Variants in GPC2 observed in about 807,000 individuals in gnomAD.
GPC2 encodes the protein glypican 2.
In GPC2, 42 loss-of-function variants were observed where a neutral mutation model predicts 57.3. That is an observed-to-expected ratio of 0.73 (90% CI 0.57 to 0.95). GPC2 has a LOEUF of 0.95. Ranked by LOEUF, GPC2 falls within the 40% of genes least tolerant of loss-of-function variation. The pLI, the probability that GPC2 is intolerant of heterozygous loss-of-function variation, is 0.00. For synonymous variants in GPC2, 364 were observed against 343.4 expected (o/e 1.06, Z -0.66); for missense variants, 745 against 793.6 (o/e 0.94, Z 0.74).
Position 100,171,693 on chromosome 7 carries a change from G to A in GPC2, c.1171-15C>T, listed in dbSNP as rs1182342755. 2.7e-6 allele frequency: 4 copies of A among 1,482,256 alleles called. No individual in the cohort carries two copies. Among genetic ancestry groups the A allele is most frequent in the South Asian group, 2.6e-5 (2 of 76,724 alleles). The allele number at this position is 1,482,256 out of a possible 1,614,324, so 91.8% of individuals were successfully genotyped here. On this transcript the variant is annotated splice_polypyrimidine_tract_variant and intron_variant, in intron 7 of 9. Coordinates refer to ENST00000292377, the MANE Select transcript of GPC2 (RefSeq NM_152742.3). The surrounding 1 kb of genome is among the most constrained non-coding windows in gnomAD (Gnocchi z 4.8). ...AGCTCCCACACCTGGGCGGGCGAGA[G>A]GGGGCGGGGCGAGCTGGAGCGCGAC... is the stretch of plus-strand genomic sequence containing the variant.
At chr7:100,173,650 CTG>C in intron 5 of GPC2, 183 bp downstream of exon 5, 1 of 438,770 alleles carries the variant, frequency 2.3e-6, no homozygotes, top group East Asian at 3.4e-5. Flanking sequence ...CTTTCTTTCT[CTG>C]TCTCTCTCTC....
At chr7:100,174,201 A>C in intron 4 of GPC2, 1 of 523,600 alleles carries the variant, frequency 1.9e-6, no homozygotes, top group Non-Finnish European at 3.4e-6. Flanking sequence ...GTGGAAATAG[A>C]GAGGCAGTTA....
intron 3 of GPC2, 91 bp from the exon 4 acceptor site, chr7:100,174,856 G>A (rs959654041): frequency 1.1e-6 from 1 of 940,376 alleles, no homozygotes; most frequent in Non-Finnish European, 1.7e-6. Context: ...GAGCAGTGAG[G>A]GTTGGGTGTG....
In GPC2 at chr7:100,171,917, C is replaced by T. The variant is rs1453305288; in HGVS notation, c.1032G>A (p.Gln344=). Residue 344 remains glutamine (Q), a synonymous_variant, in exon 7 of 10, where the codon CAG becomes CAA. Transcript: ENST00000292377. The surrounding 1 kb of genome is among the most constrained non-coding windows in gnomAD (Gnocchi z 4.8). ...NSAKVSAQVF[Q]ECGPPDPVPA... Reference sequence around the variant, plus strand: ...GCACCGGGTCGGGGGGGCCGCACTCCTGAAACACCTGCGGCACCGGGAAGA... The same window carrying T: ...GCACCGGGTCGGGGGGGCCGCACTCTTGAAACACCTGCGGCACCGGGAAGA... 2.7e-6 allele frequency: 4 copies of T among 1,500,786 alleles called. No individual in the cohort carries two copies. Among genetic ancestry groups the T allele is most frequent in the Admixed American group, 4.4e-5 (2 of 45,132 alleles). 93.0% of individuals were successfully genotyped at this position (1,500,786 alleles called of 1,614,324 possible). A position where few individuals can be genotyped will look rare whatever the true frequency, so the allele number is the denominator to read the frequency against.
intron 5 of GPC2, 100 bp downstream of exon 5, chr7:100,173,735 T>A: frequency 2.2e-6 from 2 of 904,746 alleles, no homozygotes; most frequent in Middle Eastern, 2.4e-4. Context: ...GGGCTCCAAC[T>A]CCTGGCCTCA....
chr7:100,174,131 G>T, intron 4 of GPC2, 134 bp from the exon 5 acceptor site: 2 of 716,950 alleles, frequency 2.8e-6, no homozygotes, highest in Non-Finnish European at 4.3e-6. Context: ...GGCAGCAGGT[G>T]AGATTGTCAC....
Position 100,173,948 on chromosome 7 carries a change from C to G in GPC2, c.779G>C (p.Cys260Ser). The change falls in exon 5 of 10, where the codon TGT becomes TCT. Residue 260 changes from cysteine to serine, a missense_variant. Transcript: ENST00000292377. ...TGAGGGGACCCCCCGGCACAGGGGA[C>G]AGCCGATGAGACGCATCAGAGCCTG... is the stretch of plus-strand genomic sequence containing the variant. ...CSQALMRLIG[C>S]PLCRGVPSLM... 6.2e-7 allele frequency: 1 copy of G among 1,601,296 alleles called. No individual in the cohort carries two copies. Among genetic ancestry groups the G allele is most frequent in the Non-Finnish European group, 8.5e-7 (1 of 1,174,238 alleles).
intron 5 of GPC2, among the ~76,000 whole-genome samples, chr7:100,172,699 GTGTATATATA>G (rs1799201786): frequency 7.1e-6 from 1 of 141,676 alleles, no homozygotes; most frequent in Non-Finnish European, 1.5e-5. Context: ...ATATATATAC[GTGTATATATA>G]TGTATATATA....
Position 100,177,107 on chromosome 7 carries a change from A to T in GPC2, c.93T>A (p.Ser31Arg), listed in dbSNP as rs757952562. Residue 31 changes from serine to arginine, a missense_variant, in exon 1 of 10, where the codon AGT becomes AGA. Around this residue, in one of 2 missense-constraint regions of GPC2, gnomAD observed 138 missense variants for 189.8 expected, o/e 0.73. Transcript: ENST00000292377. ...GPGSEAKVTR[S>R]CAETRQVLGA... ...CCAGCACCTGCCGGGTCTCTGCACA[A>T]CTCCGGGTGACCTTTGCCTCGCTCC... 7 of 1,612,728 alleles carry T rather than the reference A, an allele frequency of 4.3e-6. No individual in the cohort carries two copies. The highest frequency in any genetic ancestry group is 5.9e-6 in the Non-Finnish European group (7 of 1,179,588).
chr7:100,171,903 G>C lies in GPC2; in HGVS notation c.1046C>G (p.Pro349Arg), dbSNP rs754065634. 4.7e-6 allele frequency: 7 copies of C among 1,499,148 alleles called. No individual in the cohort carries two copies. The highest frequency in any genetic ancestry group is 2.8e-5 in the African/African-American group (2 of 72,054). The allele number at this position is 1,499,148 out of a possible 1,614,324, so 92.9% of individuals were successfully genotyped here. Reference sequence around the variant, plus strand: ...ACGGTTGCGGGCAGGCACCGGGTCGGGGGGGCCGCACTCCTGAAACACCTG... The same window carrying C: ...ACGGTTGCGGGCAGGCACCGGGTCGCGGGGGCCGCACTCCTGAAACACCTG... ...SAQVFQECGP[P>R]DPVPARNRRA... is the part of the protein sequence containing the mutation. Residue 349 changes from proline to arginine, a missense_variant, in exon 7 of 10, where the codon CCC (proline) becomes CGC (arginine). Pro to Arg is a moderately radical substitution (Grantham distance 103). Coordinates refer to ENST00000292377, the MANE Select transcript of GPC2 (RefSeq NM_152742.3). This position sits in a 1 kb window ranked among gnomAD's most constrained non-coding sequence, Gnocchi z 4.8.
chr7:100,177,219 C>T lies in GPC2; in HGVS notation c.-20G>A, dbSNP rs1313487932. 10 of 1,603,650 alleles carry T rather than the reference C, an allele frequency of 6.2e-6. No homozygotes were observed. In the African/African-American group the frequency reaches 8.0e-5, roughly 13 times the overall value. On this transcript the variant is annotated 5_prime_UTR_variant, in exon 1 of 10. Coordinates refer to ENST00000292377, the MANE Select transcript of GPC2 (RefSeq NM_152742.3). ...GGACATAACTGCAGCCACCCCAGGACGGCAAAGTGGGTCCTAAGGAGGAAA... is the reference window on the plus strand; with the variant it reads ...GGACATAACTGCAGCCACCCCAGGATGGCAAAGTGGGTCCTAAGGAGGAAA...
Position 100,171,884 on chromosome 7 carries a change from G to A in GPC2, c.1065C>T (p.Arg355=), listed in dbSNP as rs762811890. ...ECGPPDPVPA[R]NRRAPPPREE... ...CCCGGGGCGGCGGGGCTCGACGGTTGCGGGCAGGCACCGGGTCGGGGGGGC... is the reference window on the plus strand; with the variant it reads ...CCCGGGGCGGCGGGGCTCGACGGTTACGGGCAGGCACCGGGTCGGGGGGGC... The change falls in exon 7 of 10, where the codon CGC becomes CGT. Residue 355 remains arginine (R), a synonymous_variant. Coordinates refer to ENST00000292377, the MANE Select transcript of GPC2 (RefSeq NM_152742.3). This position sits in a 1 kb window ranked among gnomAD's most constrained non-coding sequence, Gnocchi z 4.8. 4.0e-6 allele frequency: 6 copies of A among 1,518,658 alleles called. No individual in the cohort carries two copies. The highest frequency in any genetic ancestry group is 5.3e-6 in the Non-Finnish European group (6 of 1,139,668). 94.1% of individuals were successfully genotyped at this position (1,518,658 alleles called of 1,614,324 possible).
rs765338904 is a variant in GPC2, at chr7:100,174,737, G to A, written c.677C>T (p.Ala226Val). The change falls in exon 4 of 10, where the codon GCC (alanine) becomes GTC (valine). Residue 226 changes from alanine to valine, a missense_variant. Ala to Val is a moderately conservative substitution (Grantham distance 64). Around this residue, in one of 2 missense-constraint regions of GPC2, gnomAD observed 607 missense variants for 603.9 expected, o/e 1.01. Coordinates refer to ENST00000292377, the MANE Select transcript of GPC2 (RefSeq NM_152742.3). ...TCCAGTCTCCAGGCCCTGCACAAAG[G>A]CTCGGGCAGCCACCAGGGTCCGGGT... Reference protein sequence around the residue: ...QITRTLVAARAFVQGLETGRN... With the variant: ...QITRTLVAARVFVQGLETGRN... 23 of 1,614,060 alleles carry A rather than the reference G, an allele frequency of 1.4e-5. No individual in the cohort carries two copies. Among genetic ancestry groups the A allele is most frequent in the Non-Finnish European group, 1.8e-5 (21 of 1,179,976 alleles).
At chr7:100,173,636 C>T (rs1799221498) in intron 5 of GPC2, 199 bp downstream of exon 5, 2 of 421,996 alleles carry the variant, frequency 4.7e-6, no homozygotes, top group Admixed American at 3.7e-5. Context: ...TTCCTTCTTT[C>T]CTTCTTTCTT....
At chr7:100,173,648 C>A (rs1410903109) in intron 5 of GPC2, 187 bp downstream of exon 5, 1 of 436,572 alleles carries the variant, frequency 2.3e-6, no homozygotes, top group Non-Finnish European at 4.0e-6. Context: ...TTCTTTCTTT[C>A]TCTGTCTCTC....
chr7:100,177,131 C>G lies in GPC2; in HGVS notation c.69G>C (p.Gly23=). The G allele has an allele frequency of 1.9e-6, 3 of 1,613,584 alleles. No individual in the cohort carries two copies. Among genetic ancestry groups the G allele is most frequent in the Non-Finnish European group, 2.5e-6 (3 of 1,179,796 alleles). The change falls in exon 1 of 10, where the codon GGG becomes GGC. Residue 23 remains glycine, a synonymous_variant. Coordinates refer to ENST00000292377, the MANE Select transcript of GPC2 (RefSeq NM_152742.3). The stretch of plus-strand genomic sequence containing the variant: ...AACTCCGGGTGACCTTTGCCTCGCT[C>G]CCGGGTCCGGGACCAGGACCGGGAC... ...PLCPGPGPGP[G]SEAKVTRSCA...
At chr7:100,172,819 G>A (rs1306740321) in intron 5 of GPC2, among the ~76,000 whole-genome samples, 3 of 147,738 alleles carry the variant, frequency 2.0e-5, no homozygotes, top group South Asian at 4.2e-4. Context: ...ATATATATAC[G>A]TGTATATATA....
At position 100,171,187 on chromosome 7, in the gene GPC2, CG is replaced by C; in HGVS notation, c.1486+73del. On this transcript the variant is annotated intron_variant, in intron 9 of 9. Transcript: ENST00000292377. This position sits in a 1 kb window ranked among gnomAD's most constrained non-coding sequence, Gnocchi z 4.8. ...TGAACGCTAAGAGCAGAGGCACGGG[CG>C]GGAACTACCAGGAGAGGGGAGAGGC... 1.5e-6 allele frequency: 2 copies of C among 1,292,056 alleles called. No homozygotes were observed. Among genetic ancestry groups the C allele is most frequent in the Non-Finnish European group, 2.1e-6 (2 of 963,132 alleles). The allele number at this position is 1,292,056 out of a possible 1,614,324, so 80.0% of individuals were successfully genotyped here.
Position 100,171,730 on chromosome 7 carries a change from T to TGGCCCGCC in GPC2, c.1170+48_1170+49insGGCGGGCC. ...AGCTGGAGCGCGACCCCCACAACCA[T>TGGCCCGCC]CCCCGGCCCCGGGCCCCCCCGCCCC... On this transcript the variant is annotated intron_variant, in intron 7 of 9. Coordinates refer to ENST00000292377, the MANE Select transcript of GPC2 (RefSeq NM_152742.3). The surrounding 1 kb of genome is among the most constrained non-coding windows in gnomAD (Gnocchi z 4.8). 7.0e-7 allele frequency: 1 copy of TGGCCCGCC among 1,423,648 alleles called. No individual in the cohort carries two copies. Among genetic ancestry groups the TGGCCCGCC allele is most frequent in the Non-Finnish European group, 9.4e-7 (1 of 1,066,652 alleles). 88.2% of individuals were successfully genotyped at this position (1,423,648 alleles called of 1,614,324 possible).
Sources: allele counts gnomAD v4.1 joint callset (sites outside exome capture counted in the v4.1 genomes callset), GRCh38; gene constraint gnomAD v4.1.1; regional missense constraint gnomAD v4.1.1; non-coding constraint Gnocchi (gnomAD v3.1); transcripts MANE v1.5; gene names NCBI Gene and HGNC (gene_info 2026-07-23, HGNC 2026-07-21).